Variants in KITLG observed in about 807,000 individuals in gnomAD.
The protein encoded by KITLG is c-Kit ligand.
In KITLG, 13 loss-of-function variants were observed where a neutral mutation model predicts 34.1. The observed-to-expected ratio is 0.38, with a 90% CI of 0.25 to 0.61. The LOEUF is 0.61. Ranked by LOEUF, KITLG falls within the 20% of genes least tolerant of loss-of-function variation. The probability of loss-of-function intolerance (pLI) is 0.60; values close to 1 mark genes in which losing one functional copy is unlikely to be tolerated. For missense variants in KITLG, 292 were observed against 318.9 expected, an observed-to-expected ratio of 0.92 and a Z score of 0.64; for synonymous variants, 110 against 104.0, an observed-to-expected ratio of 1.06 and a Z score of -0.35.
chr12:88,542,123 G>A lies in KITLG; in HGVS notation c.129+3629C>T, dbSNP rs186335624. 1.6e-3 allele frequency among the ~76,000 whole-genome samples: 244 copies of A among 152,118 alleles called. 1 individual carries two copies. The highest frequency in any genetic ancestry group is 2.4e-3 in the Admixed American group (36 of 15,278). The stretch of plus-strand genomic sequence containing the variant: ...TTATTATTGAATTATTCCAAGAGGT[G>A]CAACCTGAAAAAAACATCATTATGG... On this transcript the variant is annotated intron_variant, in intron 2 of 9. Transcript: ENST00000644744.
chr12:88,514,661 G>A (rs1405590790), intron 6 of KITLG, among the ~76,000 whole-genome samples: 1 of 151,612 alleles, frequency 6.6e-6, no homozygotes, highest in Admixed American at 6.6e-5. Context: ...TTCAGGTCAG[G>A]TTTTGGTGGC....
At chr12:88,569,024 T>C (rs1025186464) in intron 1 of KITLG, among the ~76,000 whole-genome samples, 18 of 152,164 alleles carry the variant, frequency 1.2e-4, no homozygotes, top group African/African-American at 4.3e-4. Context: ...GTTCTTTCCA[T>C]TTTCTTTTGA....
intron 3 of KITLG, among the ~76,000 whole-genome samples, chr12:88,519,672 T>C (rs1869587930): frequency 6.6e-6 from 1 of 152,116 alleles, no homozygotes; most frequent in South Asian, 2.1e-4. Flanking sequence ...TCCTGGGCTG[T>C]AGTGCAGGGG....
chr12:88,544,692 T>C (rs1010584561), intron 2 of KITLG, among the ~76,000 whole-genome samples: 3 of 152,126 alleles, frequency 2.0e-5, no homozygotes, highest in Admixed American at 2.0e-4. Flanking sequence ...CCTAAGGAAT[T>C]TGTATAAATT....
chr12:88,557,959 T>C (rs531771765), intron 1 of KITLG, among the ~76,000 whole-genome samples: 1 of 152,322 alleles, frequency 6.6e-6, no homozygotes, highest in South Asian at 2.1e-4. Flanking sequence ...TAATTTATAC[T>C]CTTTCAAATA....
chr12:88,542,036 T>C (rs1332730758), intron 2 of KITLG, among the ~76,000 whole-genome samples: 3 of 152,132 alleles, frequency 2.0e-5, no homozygotes, highest in African/African-American at 7.2e-5. Flanking sequence ...TCACATAAAA[T>C]GTAGCAAGGT....
At chr12:88,546,178 C>T (rs1160169020) in intron 1 of KITLG, 2 of 410,282 alleles carry the variant, frequency 4.9e-6, no homozygotes, top group African/African-American at 4.1e-5. Flanking sequence ...CTTAGGGTAT[C>T]TTCTAAAAAC....
intron 1 of KITLG, among the ~76,000 whole-genome samples, chr12:88,559,627 A>G (rs1252240302): frequency 1.3e-5 from 2 of 152,226 alleles, no homozygotes; most frequent in African/African-American, 4.8e-5. Context: ...AAGCCCAGTA[A>G]TTAAGCATTT....
intron 1 of KITLG, among the ~76,000 whole-genome samples, chr12:88,553,010 C>T (rs1466692): frequency 0.94 from 142,522 of 152,232 alleles, 66,771 homozygotes; most frequent in East Asian, 0.98. Context: ...GGCTTTGCAT[C>T]GGCTAGGAAA....
chr12:88,519,427 CATT>C (rs1362760157), intron 3 of KITLG, among the ~76,000 whole-genome samples: 8 of 152,136 alleles, frequency 5.3e-5, no homozygotes, highest in African/African-American at 1.9e-4. Context: ...ACAAAAATAA[CATT>C]GTTATTAAGA....
intron 2 of KITLG, among the ~76,000 whole-genome samples, chr12:88,539,795 C>T (rs1870456712): frequency 6.6e-6 from 1 of 151,898 alleles, no homozygotes; most frequent in Non-Finnish European, 1.5e-5. Context: ...ATGGTGGCAA[C>T]TACTCTGGAG....
chr12:88,502,907 G>A (rs200417347), intron 9 of KITLG, among the ~76,000 whole-genome samples: 5 of 149,524 alleles, frequency 3.3e-5, no homozygotes, highest in East Asian at 2.0e-4. Context: ...GAAAAGGAAG[G>A]AAAAAAAAAA....
chr12:88,523,890 G>C (rs1349686396), intron 3 of KITLG, among the ~76,000 whole-genome samples: 1 of 152,126 alleles, frequency 6.6e-6, no homozygotes, highest in Non-Finnish European at 1.5e-5. Flanking sequence ...TTAAAGTGCC[G>C]TAGAAATCTC....
In KITLG at chr12:88,509,219, G is replaced by A. The variant is rs549575125; in HGVS notation, c.605-2082C>T. 1.4e-4 allele frequency among the ~76,000 whole-genome samples: 21 copies of A among 152,262 alleles called. No homozygotes were observed. In the South Asian group the frequency reaches 1.9e-3, roughly 14 times the overall value. ...TGCTATGGAGAACTCCATTATCTAC[G>A]TTGGGTCAGCCAGATGCCCTGTAAT... On this transcript the variant is annotated intron_variant, in intron 6 of 9. Coordinates refer to ENST00000644744, the MANE Select transcript of KITLG (RefSeq NM_000899.5).
At chr12:88,538,208 A>G (rs1383692859) in intron 2 of KITLG, among the ~76,000 whole-genome samples, 1 of 152,100 alleles carries the variant, frequency 6.6e-6, no homozygotes, top group African/African-American at 2.4e-5. Flanking sequence ...AAAGCTCATA[A>G]TGTGTTAGGG....
At chr12:88,546,841 G>A (rs911757678) in intron 1 of KITLG, among the ~76,000 whole-genome samples, 1 of 152,160 alleles carries the variant, frequency 6.6e-6, no homozygotes, top group Non-Finnish European at 1.5e-5. Context: ...TCAGAGGCAG[G>A]TAAATAAATA....
At chr12:88,530,727 T>C (rs1167559894) in intron 3 of KITLG, among the ~76,000 whole-genome samples, 1 of 152,118 alleles carries the variant, frequency 6.6e-6, no homozygotes, top group Non-Finnish European at 1.5e-5. Flanking sequence ...GACATTGACA[T>C]AGGCTTGAGG....
chr12:88,555,712 G>C (rs1871074931), intron 1 of KITLG, among the ~76,000 whole-genome samples: 1 of 152,068 alleles, frequency 6.6e-6, no homozygotes, highest in African/African-American at 2.4e-5. Flanking sequence ...AGAGGGAGGG[G>C]AGAAACCCAA....
chr12:88,545,715 C>CT (rs1165997146), intron 2 of KITLG, 37 bp downstream of exon 2: 4 of 1,215,856 alleles, frequency 3.3e-6, no homozygotes, highest in Non-Finnish European at 4.8e-6. Flanking sequence ...AGCCACAGCT[C>CT]TTTTTTACAC....
Sources: allele counts gnomAD v4.1 joint callset (sites outside exome capture counted in the v4.1 genomes callset), GRCh38; gene constraint gnomAD v4.1.1; transcripts MANE v1.5; gene names NCBI Gene and HGNC (gene_info 2026-07-23, HGNC 2026-07-21).